PRIM2: variants seen among roughly 807,000 people sequenced by gnomAD.
The protein encoded by PRIM2 is DNA primase subunit 2.
PRIM2 carries 39 observed loss-of-function variants against 67.3 expected under a neutral mutation model. That is an observed-to-expected ratio of 0.58 (90% CI 0.45 to 0.76). The LOEUF (loss-of-function observed/expected upper bound fraction) is 0.76. Ranked by LOEUF, PRIM2 falls within the 30% of genes least tolerant of loss-of-function variation. The probability of loss-of-function intolerance (pLI) is 0.00; values close to 1 mark genes in which losing one functional copy is unlikely to be tolerated. For missense variants in PRIM2, 398 were observed against 598.7 expected (o/e 0.66, Z 3.50); for synonymous variants, 143 against 198.7 (o/e 0.72, Z 2.36).
chr6:57,482,457 C>T (rs1773651167), intron 7 of PRIM2, among the ~76,000 whole-genome samples: 2 of 152,078 alleles, frequency 1.3e-5, no homozygotes, highest in South Asian at 2.1e-4. Flanking sequence ...ACAGTGACAT[C>T]CTATGGAAGA....
intron 11 of PRIM2, among the ~76,000 whole-genome samples, chr6:57,602,750 AAGT>A (rs1776492873): frequency 6.6e-6 from 1 of 152,196 alleles, no homozygotes; most frequent in Non-Finnish European, 1.5e-5. Flanking sequence ...TTTTGTTTCT[AAGT>A]TCAACTCTGT....
intron 10 of PRIM2, among the ~76,000 whole-genome samples, chr6:57,543,587 T>G (rs1189646072): frequency 6.6e-4 from 100 of 152,308 alleles, no homozygotes; most frequent in African/African-American, 2.4e-3. Context: ...TCCAGCAATT[T>G]TGAGCTCTAA....
chr6:57,642,433 A>ATTTTTTTTTTTT (rs1777256008), intron 13 of PRIM2, among the ~76,000 whole-genome samples: 1 of 107,058 alleles, frequency 9.3e-6, no homozygotes, highest in Non-Finnish European at 1.8e-5. Flanking sequence ...TAAATATTAT[A>ATTTTTTTTTTTT]TCTTTTTTTT....
At chr6:57,371,329 T>C (rs9349855) in intron 5 of PRIM2, among the ~76,000 whole-genome samples, 5 of 152,116 alleles carry the variant, frequency 3.3e-5, no homozygotes, top group Non-Finnish European at 5.9e-5. Flanking sequence ...TACTTGAATT[T>C]AGGGAAAGGT....
intron 5 of PRIM2, among the ~76,000 whole-genome samples, chr6:57,340,830 C>T (rs1004739289): frequency 2.0e-5 from 3 of 152,098 alleles, no homozygotes; most frequent in Admixed American, 1.3e-4. Context: ...ACATTGTGCA[C>T]ATGTACCCTA....
Position 57,646,319 on chromosome 6 carries a change from C to T in PRIM2, c.*161C>T, listed in dbSNP as rs1777334100. On this transcript the variant is annotated 3_prime_UTR_variant, in exon 14 of 14. Transcript: ENST00000615550. ...TTCCCAGCTCAAGTGATCCTCCTAC[C>T]TCAGCCTCCCAAGTAGTTAGGACCA... 1.3e-4 allele frequency: 80 copies of T among 621,530 alleles called. 1 individual carries two copies. The South Asian group carries it at 1.5e-3, about 12-fold the overall frequency. The allele number at this position is 621,530 out of a possible 1,614,324, so 38.5% of individuals were successfully genotyped here. A position where few individuals can be genotyped will look rare whatever the true frequency, so the allele number is the denominator to read the frequency against.
At chr6:57,316,866 G>T (rs571108889), upstream of PRIM2, among the ~76,000 whole-genome samples, 14 of 152,222 alleles carry the variant, frequency 9.2e-5, no homozygotes, top group Admixed American at 9.2e-4. Context: ...CCGAGGCTGG[G>T]TTCTTCTAAT....
intron 7 of PRIM2, among the ~76,000 whole-genome samples, chr6:57,414,094 T>C (rs1470550398): frequency 6.6e-6 from 1 of 152,130 alleles, no homozygotes; most frequent in African/African-American, 2.4e-5. Context: ...GGGGAATAAG[T>C]CATGGTATAG....
At chr6:57,618,583 G>T (rs1443770524) in intron 12 of PRIM2, among the ~76,000 whole-genome samples, 3 of 152,162 alleles carry the variant, frequency 2.0e-5, no homozygotes, top group Non-Finnish European at 4.4e-5. Flanking sequence ...GGTCTGTTGT[G>T]GGGGGCATGG....
At position 57,434,572 on chromosome 6, in the gene PRIM2, G is replaced by A. The variant is rs56204942; in HGVS notation, c.693+52404G>A. ...GTTACGTTTCTGAAGTAACATGGAA[G>A]TTACCCATATAGTAAAATCAATTTT... On this transcript the variant is annotated intron_variant, in intron 7 of 13. Transcript: ENST00000615550. Among the ~76,000 whole-genome samples, 1,421 of 152,240 alleles carry A rather than the reference G, an allele frequency of 9.3e-3. 9 individuals are homozygous for A. The highest frequency in any genetic ancestry group is 0.016 in the Non-Finnish European group (1,059 of 68,020).
chr6:57,465,387 C>A (rs1230434719), intron 7 of PRIM2, among the ~76,000 whole-genome samples: 1 of 152,314 alleles, frequency 6.6e-6, no homozygotes, highest in South Asian at 2.1e-4. Flanking sequence ...AGCAGCTATA[C>A]TGGGTTTCCA....
intron 10 of PRIM2, among the ~76,000 whole-genome samples, chr6:57,570,809 T>G (rs1427480972): frequency 1.2e-4 from 19 of 152,332 alleles, no homozygotes; most frequent in African/African-American, 3.8e-4. Flanking sequence ...GATGAGAAGA[T>G]AAATTTCCAC....
At position 57,532,391 on chromosome 6, in the gene PRIM2, T is replaced by A. The variant is rs1210462730; in HGVS notation, c.762-20T>A. The A allele has an allele frequency of 5.0e-5, 58 of 1,153,960 alleles. No individual in the cohort carries two copies. Among genetic ancestry groups the A allele is most frequent in the Admixed American group, 3.0e-4 (10 of 33,348 alleles). The allele number at this position is 1,153,960 out of a possible 1,614,324, so 71.5% of individuals were successfully genotyped here. A position where few individuals can be genotyped will look rare whatever the true frequency, so the allele number is the denominator to read the frequency against. Reference sequence around the variant, plus strand: ...GTATTTTATGAATCTGTTTTAATATTTTTTTTTCTTTTTTTAAAGTCATTC... The same window carrying A: ...GTATTTTATGAATCTGTTTTAATATATTTTTTTCTTTTTTTAAAGTCATTC... On this transcript the variant is annotated intron_variant, in intron 8 of 13. Transcript: ENST00000615550.
At chr6:57,288,851 CA>C in the PRIM2 span, among the ~76,000 whole-genome samples, 2 of 152,136 alleles carry the variant, frequency 1.3e-5, no homozygotes, top group Admixed American at 1.3e-4. Context: ...GGGGAGAAAC[CA>C]GAGCAGAAAA....
At chr6:57,474,368 G>GTTTC (rs1176197428) in intron 7 of PRIM2, among the ~76,000 whole-genome samples, 46 of 151,738 alleles carry the variant, frequency 3.0e-4, no homozygotes, top group African/African-American at 1.0e-3. Flanking sequence ...TAGAGACAGG[G>GTTTC]TTTCACCTTG....
At chr6:57,456,545 A>G (rs189821262) in intron 7 of PRIM2, among the ~76,000 whole-genome samples, 5 of 152,078 alleles carry the variant, frequency 3.3e-5, no homozygotes, top group Admixed American at 1.3e-4. Flanking sequence ...TTGATTTTCC[A>G]TCACTAATAC....
At chr6:57,631,515 G>A (rs1216043172) in intron 12 of PRIM2, among the ~76,000 whole-genome samples, 2 of 152,134 alleles carry the variant, frequency 1.3e-5, no homozygotes, top group African/African-American at 4.8e-5. Context: ...GTTCCTAACA[G>A]GTGTTCAGAA....
chr6:57,569,825 C>T (rs1775827392), intron 10 of PRIM2, among the ~76,000 whole-genome samples: 3 of 152,110 alleles, frequency 2.0e-5, no homozygotes, highest in Admixed American at 6.5e-5. Context: ...TGGCTCACTG[C>T]AACCTCTGCT....
rs1284558711 is a variant in PRIM2 at position 57,469,121 on chromosome 6, A to G, written c.694-38266A>G. ...CACCGTTGTGATTATCTTGGTATACATATATTGCTGATAATTGATATTCTG... is the reference window on the plus strand; with the variant it reads ...CACCGTTGTGATTATCTTGGTATACGTATATTGCTGATAATTGATATTCTG... On this transcript the variant is annotated intron_variant, in intron 7 of 13. Transcript: ENST00000615550. Among the ~76,000 whole-genome samples, 7 of 152,328 alleles carry G rather than the reference A, an allele frequency of 4.6e-5. No individual in the cohort carries two copies. In the East Asian group the frequency reaches 9.7e-4, roughly 21 times the overall value.
Sources: allele counts gnomAD v4.1 joint callset (sites outside exome capture counted in the v4.1 genomes callset), GRCh38; gene constraint gnomAD v4.1.1; transcripts MANE v1.5; gene names NCBI Gene and HGNC (gene_info 2026-07-23, HGNC 2026-07-21).